The following BCKDHB variants were observed in gnomAD, a reference collection of about 807,000 sequenced individuals.
BCKDHB encodes 2-oxoisovalerate dehydrogenase subunit beta, mitochondrial.
A neutral mutation model predicts 48.5 loss-of-function variants in BCKDHB; 41 were observed. That is an observed-to-expected ratio of 0.85 (90% CI 0.66 to 1.10). The LOEUF is 1.10. Ranked by LOEUF, BCKDHB falls within the 50% of genes least tolerant of loss-of-function variation. The probability of loss-of-function intolerance (pLI) is 0.00; values close to 1 mark genes in which losing one functional copy is unlikely to be tolerated. For missense variants in BCKDHB, 496 were observed against 494.2 expected, an observed-to-expected ratio of 1.00 and a Z score of -0.03; for synonymous variants, 201 against 174.8, an observed-to-expected ratio of 1.15 and a Z score of -1.18.
At chr6:80,437,814 A>G in the BCKDHB span, among the ~76,000 whole-genome samples, 2 of 152,160 alleles carry the variant, frequency 1.3e-5, no homozygotes, top group South Asian at 2.1e-4. Context: ...ATGTTATGCT[A>G]TATTTGAGTC....
chr6:80,419,318 A>T, the BCKDHB span, among the ~76,000 whole-genome samples: 1 of 152,102 alleles, frequency 6.6e-6, no homozygotes, highest in African/African-American at 2.4e-5. Flanking sequence ...AGCATAATTC[A>T]CCAGCACAGA....
the BCKDHB span, among the ~76,000 whole-genome samples, chr6:80,386,733 G>T: frequency 4.4e-5 from 6 of 134,922 alleles, no homozygotes; most frequent in Non-Finnish European, 9.9e-5. Flanking sequence ...ATTAATCATG[G>T]TGTTCCTAGA....
At chr6:80,107,516 T>TATATATATGC (rs1554181345) in intron 1 of BCKDHB, among the ~76,000 whole-genome samples, 32 of 46,560 alleles carry the variant, frequency 6.9e-4, no homozygotes, top group East Asian at 2.5e-3. Flanking sequence ...TATGTGCGCA[T>TATATATATGC]ATATATATAT....
the BCKDHB span, among the ~76,000 whole-genome samples, chr6:80,394,588 A>G: frequency 6.6e-6 from 1 of 152,130 alleles, no homozygotes; most frequent in South Asian, 2.1e-4. Context: ...CTTAAGACTG[A>G]TTGGGAACTC....
chr6:80,129,477 T>C (rs1458282766), intron 3 of BCKDHB, among the ~76,000 whole-genome samples: 2 of 152,198 alleles, frequency 1.3e-5, no homozygotes, highest in African/African-American at 4.8e-5. Flanking sequence ...TAAATGTATA[T>C]TATTTATTGT....
chr6:80,190,748 C>T (rs1210467278), intron 6 of BCKDHB, among the ~76,000 whole-genome samples: 2 of 152,072 alleles, frequency 1.3e-5, no homozygotes, highest in Non-Finnish European at 2.9e-5. Flanking sequence ...CACACTTGCC[C>T]TTCTGTGTTT....
intron 8 of BCKDHB, among the ~76,000 whole-genome samples, chr6:80,248,673 G>A (rs1776711711): frequency 6.6e-6 from 1 of 152,216 alleles, no homozygotes. Context: ...GACAATTGCT[G>A]TTAGCTTTGC....
chr6:80,450,662 T>C, the BCKDHB span, among the ~76,000 whole-genome samples: 2 of 151,346 alleles, frequency 1.3e-5, no homozygotes, highest in Non-Finnish European at 2.9e-5. Context: ...CACTTCACCC[T>C]TCTAATCCAG....
At chr6:80,343,106 G>A (rs538741265) in intron 9 of BCKDHB, among the ~76,000 whole-genome samples, 61 of 152,280 alleles carry the variant, frequency 4.0e-4, no homozygotes, top group African/African-American at 1.5e-3. Context: ...CATCAGTCAG[G>A]CAAAGAGCTG....
At chr6:80,246,927 A>G (rs1297602967) in intron 8 of BCKDHB, among the ~76,000 whole-genome samples, 1 of 151,960 alleles carries the variant, frequency 6.6e-6, no homozygotes, top group East Asian at 1.9e-4. Context: ...AAGGGCCCAG[A>G]CAATGTTTAA....
chr6:80,394,897 A>G, the BCKDHB span, among the ~76,000 whole-genome samples: 1 of 152,060 alleles, frequency 6.6e-6, no homozygotes, highest in African/African-American at 2.4e-5. Context: ...TGTTCTTGTG[A>G]TAGTGAGTTC....
the BCKDHB span, among the ~76,000 whole-genome samples, chr6:80,424,500 ATAAT>A: frequency 1.3e-5 from 2 of 152,212 alleles, no homozygotes; most frequent in Admixed American, 6.5e-5. Context: ...ATTTCATTAC[ATAAT>A]TAATTTGGCT....
At chr6:80,246,839 G>GCA (rs1328282907) in intron 8 of BCKDHB, among the ~76,000 whole-genome samples, 3 of 151,770 alleles carry the variant, frequency 2.0e-5, no homozygotes, top group Non-Finnish European at 4.4e-5. Context: ...GTACACACTT[G>GCA]CACACACACA....
At chr6:80,283,496 C>T (rs941547586) in intron 9 of BCKDHB, among the ~76,000 whole-genome samples, 4 of 152,012 alleles carry the variant, frequency 2.6e-5, no homozygotes, top group African/African-American at 7.2e-5. Context: ...TCTGTTGTCA[C>T]CCCAGTAAGC....
At chr6:80,125,330 C>T (rs1324055198) in intron 1 of BCKDHB, among the ~76,000 whole-genome samples, 1 of 152,086 alleles carries the variant, frequency 6.6e-6, no homozygotes, top group Admixed American at 6.6e-5. Flanking sequence ...AAGGGAATGT[C>T]GTGTGTGATT....
the BCKDHB span, among the ~76,000 whole-genome samples, chr6:80,405,674 CTTTT>C: frequency 1.3e-5 from 2 of 151,998 alleles, no homozygotes; most frequent in South Asian, 4.1e-4. Context: ...TGATTACTTT[CTTTT>C]TATTTTTTGT....
At position 80,203,104 on chromosome 6, in the gene BCKDHB, T is replaced by A. The variant is rs2127826769; in HGVS notation, c.843T>A (p.Val281=). The part of the protein sequence containing the change: ...DVTLVAWGTQ[V]HVIREVASMA... ...GCATATTTTTCTCTTTATTTCAGGTTCATGTGATCCGAGAGGTAGCTTCCA... is the reference window on the plus strand; with the variant it reads ...GCATATTTTTCTCTTTATTTCAGGTACATGTGATCCGAGAGGTAGCTTCCA... The change falls in exon 8 of 10, where the codon GTT becomes GTA. Residue 281 remains valine, a splice_region_variant and synonymous_variant. Coordinates refer to ENST00000320393, the MANE Select transcript of BCKDHB (RefSeq NM_183050.4). The A allele has an allele frequency of 1.2e-6, 2 of 1,608,962 alleles. No individual in the cohort carries two copies. Among genetic ancestry groups the A allele is most frequent in the East Asian group, 4.5e-5 (2 of 44,820 alleles).
chr6:80,329,171 ACTT>A (rs1423718691), intron 9 of BCKDHB, among the ~76,000 whole-genome samples: 2 of 152,160 alleles, frequency 1.3e-5, no homozygotes, highest in Non-Finnish European at 2.9e-5. Context: ...ACAGTGACTA[ACTT>A]CTTTCAATTC....
chr6:80,121,102 C>G (rs1769991515), intron 1 of BCKDHB, among the ~76,000 whole-genome samples: 1 of 152,138 alleles, frequency 6.6e-6, no homozygotes, highest in South Asian at 2.1e-4. Flanking sequence ...TTTCCCAGCA[C>G]CATTTATTAA....
Sources: allele counts gnomAD v4.1 joint callset (sites outside exome capture counted in the v4.1 genomes callset), GRCh38; gene constraint gnomAD v4.1.1; transcripts MANE v1.5; gene names NCBI Gene and HGNC (gene_info 2026-07-23, HGNC 2026-07-21).